The following PAPPA2 variants were observed in gnomAD, a reference collection of about 807,000 sequenced individuals.
The protein encoded by PAPPA2 is pappalysin-2.
Under a neutral mutation model 176.4 loss-of-function variants are expected in PAPPA2, and 86 were observed. The observed-to-expected ratio is 0.49, with a 90% confidence interval of 0.41 to 0.58. PAPPA2 has a LOEUF of 0.58. Among genes scored for constraint, PAPPA2 ranks in the 20% least tolerant of loss-of-function variants. The pLI is 0.00. For synonymous variants in PAPPA2, 809 were observed against 852.2 expected (o/e 0.95, Z 0.88); for missense variants, 2,073 against 2,256.9 (o/e 0.92, Z 1.65).
intron 14 of PAPPA2, among the ~76,000 whole-genome samples, chr1:176,760,901 A>T (rs1390902447): frequency 6.6e-6 from 1 of 152,154 alleles, no homozygotes; most frequent in South Asian, 2.1e-4. Context: ...GGCTCACTGC[A>T]AGCTCTACCT....
In PAPPA2 at chr1:176,474,880, T is replaced by C. The variant is rs566765014; in HGVS notation, c.-917+11462T>C. Among the ~76,000 whole-genome samples, 43 of 152,280 alleles carry C rather than the reference T, an allele frequency of 2.8e-4. 1 individual carries two copies. The highest frequency in any genetic ancestry group is 9.9e-4 in the African/African-American group (41 of 41,568). On this transcript the variant is annotated intron_variant, in intron 1 of 22. Transcript: ENST00000367662. ...GTCTTCAAGTCCCAGAAATTATTAC[T>C]GGGAAAAGTCATATGTTGTGTTGAT...
At chr1:176,568,712 C>A (rs899426030) in intron 2 of PAPPA2, among the ~76,000 whole-genome samples, 6 of 152,202 alleles carry the variant, frequency 3.9e-5, no homozygotes, top group Admixed American at 2.6e-4. Flanking sequence ...ACATGTAATG[C>A]CAGTAATCAA....
chr1:176,805,947 C>T (rs964808564), intron 21 of PAPPA2, among the ~76,000 whole-genome samples: 12 of 137,904 alleles, frequency 8.7e-5, no homozygotes, highest in African/African-American at 3.3e-4. Context: ...ATGATCATGC[C>T]ACTGTACTGC....
At chr1:176,731,759 A>G (rs539561072) in intron 12 of PAPPA2, among the ~76,000 whole-genome samples, 1 of 150,922 alleles carries the variant, frequency 6.6e-6, no homozygotes, top group African/African-American at 2.5e-5. Context: ...ATATATACGC[A>G]TACACATTGT....
intron 4 of PAPPA2, among the ~76,000 whole-genome samples, chr1:176,684,757 A>G (rs534794462): frequency 6.6e-6 from 1 of 152,320 alleles, no homozygotes; most frequent in East Asian, 1.9e-4. Context: ...TTTGAGGTCT[A>G]TGAAGAATTA....
At chr1:176,814,668 C>T (rs1031482605) in intron 21 of PAPPA2, among the ~76,000 whole-genome samples, 1 of 152,188 alleles carries the variant, frequency 6.6e-6, no homozygotes, top group African/African-American at 2.4e-5. Flanking sequence ...TGCTTACCAG[C>T]TTAAGAACCT....
intron 21 of PAPPA2, among the ~76,000 whole-genome samples, chr1:176,806,665 C>T (rs907100695): frequency 1.3e-5 from 2 of 152,136 alleles, no homozygotes; most frequent in African/African-American, 4.8e-5. Context: ...TTAAATTAGA[C>T]AGATAAAATT....
intron 21 of PAPPA2, among the ~76,000 whole-genome samples, chr1:176,830,086 T>C (rs548991365): frequency 6.6e-6 from 1 of 152,194 alleles, no homozygotes; most frequent in South Asian, 2.1e-4. Flanking sequence ...ATAGGGGAAA[T>C]AATTGGGCAT....
At chr1:176,836,734 C>T (rs1364926501) in intron 21 of PAPPA2, 2 of 152,068 alleles carry the variant, frequency 1.3e-5, no homozygotes, top group African/African-American at 2.4e-5. Flanking sequence ...TTCCCTCACC[C>T]CCAAAATCTG....
rs189980533 is a variant in PAPPA2, at chr1:176,819,837, C to A, written c.5202+19705C>A. The stretch of plus-strand genomic sequence containing the variant: ...GAGCCTCTGCACTTTCAGTGCAGTC[C>A]AGCTTAAAGCCTGGAACTAGTTTTT... On this transcript the variant is annotated intron_variant, in intron 21 of 22. Transcript: ENST00000367662. Among the ~76,000 whole-genome samples, 4 of 152,316 alleles carry A rather than the reference C, an allele frequency of 2.6e-5. No homozygotes were observed. The East Asian group carries it at 7.7e-4, about 29-fold the overall frequency.
intron 3 of PAPPA2, among the ~76,000 whole-genome samples, chr1:176,635,522 G>GC (rs1424020271): frequency 6.6e-6 from 1 of 152,108 alleles, no homozygotes; most frequent in Non-Finnish European, 1.5e-5. Context: ...TCAAATGGCA[G>GC]CCTTCATAAT....
intron 21 of PAPPA2, among the ~76,000 whole-genome samples, chr1:176,837,478 CA>C (rs35134966): frequency 0.043 from 4,036 of 94,692 alleles, 61 homozygotes; most frequent in African/African-American, 0.057. Context: ...TGTTAAAAGG[CA>C]AAAAAAAAAA....
intron 18 of PAPPA2, among the ~76,000 whole-genome samples, 154 bp downstream of exon 18, chr1:176,790,131 C>G (rs1294714821): frequency 6.6e-6 from 1 of 152,126 alleles, no homozygotes; most frequent in Non-Finnish European, 1.5e-5. Flanking sequence ...ATAGAAAATT[C>G]AGAAAATACC....
chr1:176,819,554 A>G (rs1666570924), intron 21 of PAPPA2, among the ~76,000 whole-genome samples: 1 of 152,166 alleles, frequency 6.6e-6, no homozygotes, highest in Non-Finnish European at 1.5e-5. Flanking sequence ...TGACATATAC[A>G]GTTCTTTTGG....
chr1:176,608,867 A>G (rs1234262139), intron 3 of PAPPA2, among the ~76,000 whole-genome samples: 1 of 152,182 alleles, frequency 6.6e-6, no homozygotes. Context: ...TTTACAATGT[A>G]TTTAAAATTT....
At chr1:176,499,210 G>T (rs1161276554) in intron 1 of PAPPA2, among the ~76,000 whole-genome samples, 1 of 152,014 alleles carries the variant, frequency 6.6e-6, no homozygotes, top group Non-Finnish European at 1.5e-5. Context: ...CATGTATTTT[G>T]GGAAACAATT....
At chr1:176,735,332 T>C (rs946142597) in intron 12 of PAPPA2, among the ~76,000 whole-genome samples, 1 of 151,984 alleles carries the variant, frequency 6.6e-6, no homozygotes, top group Non-Finnish European at 1.5e-5. Flanking sequence ...TGAGTGAAAA[T>C]GAAAAGGCAC....
intron 3 of PAPPA2, among the ~76,000 whole-genome samples, chr1:176,660,085 T>G (rs1163612003): frequency 2.6e-5 from 4 of 152,142 alleles, no homozygotes; most frequent in Admixed American, 2.6e-4. Flanking sequence ...TTTTCCTCCT[T>G]TTTAGTCTAC....
intron 1 of PAPPA2, among the ~76,000 whole-genome samples, chr1:176,513,189 A>G (rs1206675209): frequency 1.3e-5 from 2 of 151,970 alleles, no homozygotes; most frequent in African/African-American, 4.8e-5. Flanking sequence ...CATCATCATC[A>G]TCATCACCAT....
Sources: allele counts gnomAD v4.1 joint callset (sites outside exome capture counted in the v4.1 genomes callset), GRCh38; gene constraint gnomAD v4.1.1; transcripts MANE v1.5; gene names NCBI Gene and HGNC (gene_info 2026-07-23, HGNC 2026-07-21).